Variants in CPEB3 observed in about 807,000 individuals in gnomAD.
CPEB3 encodes cytoplasmic polyadenylation element-binding protein 3.
CPEB3 carries 20 observed loss-of-function variants against 67.2 expected under a neutral mutation model. The observed-to-expected ratio is 0.30, with a 90% CI of 0.21 to 0.43. The LOEUF is 0.43. CPEB3 is among the 20% of genes least tolerant of loss of function. The probability of loss-of-function intolerance (pLI) is 1.00; values close to 1 mark genes in which losing one functional copy is unlikely to be tolerated. For synonymous variants in CPEB3, 376 were observed against 393.1 expected, an observed-to-expected ratio of 0.96 and a Z score of 0.51; for missense variants, 746 against 968.6, an observed-to-expected ratio of 0.77 and a Z score of 3.05.
intron 2 of CPEB3, among the ~76,000 whole-genome samples, chr10:92,238,768 G>A (rs1369167070): frequency 6.6e-6 from 1 of 152,234 alleles, no homozygotes; most frequent in Non-Finnish European, 1.5e-5. Context: ...GGGGCAATAT[G>A]CTGATTGTTA....
At chr10:92,115,816 T>C (rs1333851821) in intron 6 of CPEB3, among the ~76,000 whole-genome samples, 2 of 152,170 alleles carry the variant, frequency 1.3e-5, no homozygotes, top group African/African-American at 4.8e-5. Flanking sequence ...CACTTTAAAA[T>C]GTATGTGAAA....
chr10:92,221,675 G>A (rs973393059), intron 2 of CPEB3, among the ~76,000 whole-genome samples: 2 of 152,130 alleles, frequency 1.3e-5, no homozygotes, highest in African/African-American at 2.4e-5. Flanking sequence ...AAGTCATGGA[G>A]GCTCTGCCCT....
intron 6 of CPEB3, among the ~76,000 whole-genome samples, chr10:92,127,720 G>GA (rs918826445): frequency 1.8e-4 from 27 of 152,220 alleles, no homozygotes; most frequent in African/African-American, 6.5e-4. Flanking sequence ...GAGGGCTTCA[G>GA]AAAAAAGGAA....
chr10:92,232,809 T>C (rs894571713), intron 2 of CPEB3, among the ~76,000 whole-genome samples: 1 of 151,786 alleles, frequency 6.6e-6, no homozygotes, highest in Non-Finnish European at 1.5e-5. Context: ...GAAAGCTATG[T>C]AAGTAGAAAT....
At chr10:92,192,898 G>A (rs900583758) in intron 2 of CPEB3, among the ~76,000 whole-genome samples, 1 of 152,094 alleles carries the variant, frequency 6.6e-6, no homozygotes, top group Non-Finnish European at 1.5e-5. Context: ...GATTACAGAC[G>A]TGAGCTACCG....
intron 4 of CPEB3, among the ~76,000 whole-genome samples, chr10:92,179,465 T>C (rs1848370296): frequency 6.6e-6 from 1 of 152,230 alleles, no homozygotes; most frequent in African/African-American, 2.4e-5. Context: ...ATACTGTTCT[T>C]TTCTTTTACA....
At chr10:92,106,814 C>CAAAAAAAAAAAAAAAAAAAAAAAAAAAA (rs531195477) in intron 7 of CPEB3, among the ~76,000 whole-genome samples, 11 of 55,982 alleles carry the variant, frequency 2.0e-4, no homozygotes, top group African/African-American at 7.8e-4. Context: ...GACTCTGTCT[C>CAAAAAAAAAAAAAAAAAAAAAAAAAAAA]AAAAAAAAAA....
intron 6 of CPEB3, among the ~76,000 whole-genome samples, chr10:92,115,695 T>A (rs950979262): frequency 6.6e-6 from 1 of 152,176 alleles, no homozygotes; most frequent in Non-Finnish European, 1.5e-5. Flanking sequence ...AAGAGCTATG[T>A]GAGCAGTTGT....
At chr10:92,276,691 C>T (rs576199732) in intron 1 of CPEB3, among the ~76,000 whole-genome samples, 2 of 152,272 alleles carry the variant, frequency 1.3e-5, no homozygotes, top group South Asian at 4.1e-4. Context: ...TTTCATTTCT[C>T]GGGTATATAG....
At position 92,239,377 on chromosome 10, in the gene CPEB3, G is replaced by A. The variant is rs1295068986; in HGVS notation, c.974C>T (p.Thr325Ile). The A allele has an allele frequency of 6.2e-7, 1 of 1,606,698 alleles. No homozygotes were observed. Among genetic ancestry groups the A allele is most frequent in the South Asian group, 1.1e-5 (1 of 89,790 alleles). The change falls in exon 2 of 10, where the codon ACC becomes ATC. Residue 325 changes from threonine (T) to isoleucine (I), a missense_variant. Physicochemically the swap from Thr to Ile is moderately conservative, Grantham distance 89. Around this residue, in one of 2 missense-constraint regions of CPEB3, gnomAD observed 643 missense variants for 717.5 expected, o/e 0.90. Transcript: ENST00000265997. The surrounding 1 kb of genome is among the most constrained non-coding windows in gnomAD (Gnocchi z 6.0). ...TGGCAACAGATTGTTACCATTATCG[G>A]TCCGGAAAGCGTTATCCTCCATCCA... is the stretch of plus-strand genomic sequence containing the variant. ...KSWMEDNAFRTDNGNNLLPFQ... is the reference protein window; with the variant it reads ...KSWMEDNAFRIDNGNNLLPFQ...
At chr10:92,132,614 A>G (rs1845895909) in intron 6 of CPEB3, among the ~76,000 whole-genome samples, 1 of 152,214 alleles carries the variant, frequency 6.6e-6, no homozygotes, top group African/African-American at 2.4e-5. Context: ...GGGAAGGTTA[A>G]GAAGGTTAAC....
In CPEB3 at chr10:92,079,667, G is replaced by A. The variant is rs139984204; in HGVS notation, c.1869+1653C>T. Among the ~76,000 whole-genome samples, 766 of 152,086 alleles carry A rather than the reference G, an allele frequency of 5.0e-3. 9 individuals are homozygous for A. The highest frequency in any genetic ancestry group is 0.044 in the East Asian group (225 of 5,172). ...GCCCTGGCTCTTGTAGTTTTTGATC[G>A]GATACATGTCTTAACAAAATATAAT... is the stretch of plus-strand genomic sequence containing the variant. On this transcript the variant is annotated intron_variant, in intron 9 of 9. Transcript: ENST00000265997.
At chr10:92,082,670 A>G (rs538804388) in intron 8 of CPEB3, among the ~76,000 whole-genome samples, 1 of 152,306 alleles carries the variant, frequency 6.6e-6, no homozygotes, top group Admixed American at 6.5e-5. Context: ...GATTGTCTGA[A>G]GGTAATTGTT....
At chr10:92,252,699 T>G (rs1852350067) in intron 1 of CPEB3, among the ~76,000 whole-genome samples, 1 of 152,054 alleles carries the variant, frequency 6.6e-6, no homozygotes, top group Non-Finnish European at 1.5e-5. Context: ...TGTATGTTTT[T>G]GTAGAGATGA....
At chr10:92,154,843 G>C (rs1476425081) in intron 4 of CPEB3, among the ~76,000 whole-genome samples, 1 of 152,212 alleles carries the variant, frequency 6.6e-6, no homozygotes, top group Non-Finnish European at 1.5e-5. Context: ...AGGTGTAAAA[G>C]TCCACTGGCC....
intron 1 of CPEB3, among the ~76,000 whole-genome samples, chr10:92,244,386 A>G (rs531457513): frequency 2.9e-4 from 44 of 151,958 alleles, no homozygotes; most frequent in Non-Finnish European, 4.3e-4. Context: ...GTACATGTTT[A>G]GTGTTACATT....
At chr10:92,106,814 CAAAAAAAAA>C (rs531195477) in intron 7 of CPEB3, among the ~76,000 whole-genome samples, 88 of 55,986 alleles carry the variant, frequency 1.6e-3, no homozygotes, top group Middle Eastern at 0.011. Flanking sequence ...GACTCTGTCT[CAAAAAAAAA>C]AAAAAAAAAA....
At chr10:92,130,964 T>C (rs1845820412) in intron 6 of CPEB3, among the ~76,000 whole-genome samples, 1 of 152,218 alleles carries the variant, frequency 6.6e-6, no homozygotes, top group Non-Finnish European at 1.5e-5. Context: ...GGGGGTATTA[T>C]TAAGAAGGCA....
At chr10:92,181,810 T>C (rs1360043262) in intron 3 of CPEB3, among the ~76,000 whole-genome samples, 3 of 152,220 alleles carry the variant, frequency 2.0e-5, no homozygotes, top group African/African-American at 4.8e-5. Flanking sequence ...AAATATTTAC[T>C]CTTTAGCACT....
Sources: gnomAD v4.1 joint callset for allele counts (sites outside exome capture counted in the v4.1 genomes callset) on GRCh38, gnomAD v4.1.1 for gene constraint, gnomAD v4.1.1 regional missense constraint, Gnocchi (gnomAD v3.1) non-coding constraint, MANE v1.5 for transcripts, NCBI Gene and HGNC (gene_info 2026-07-23, HGNC 2026-07-21) for gene names.